The following VPS26A variants were observed in gnomAD, a reference collection of about 807,000 sequenced individuals.
The protein encoded by VPS26A is vacuolar protein sorting-associated protein 26A.
Under a neutral mutation model 42.4 loss-of-function variants are expected in VPS26A, and 22 were observed. The ratio of observed to expected loss-of-function variants is 0.52; its 90% CI spans 0.37 to 0.74. VPS26A has a LOEUF of 0.74. Among genes scored for constraint, VPS26A ranks in the 30% least tolerant of loss-of-function variants. The pLI is 0.00. For synonymous variants in VPS26A, 110 were observed against 123.5 expected (o/e 0.89, Z 0.73); for missense variants, 276 against 379.2 (o/e 0.73, Z 2.26).
intron 2 of VPS26A, among the ~76,000 whole-genome samples, chr10:69,138,090 A>T (rs549491048): frequency 6.6e-6 from 1 of 152,228 alleles, no homozygotes; most frequent in South Asian, 2.1e-4. Flanking sequence ...TATTCTGGAC[A>T]TTTCATATAA....
chr10:69,167,059 G>A (rs1439649687), intron 7 of VPS26A, among the ~76,000 whole-genome samples: 1 of 151,386 alleles, frequency 6.6e-6, no homozygotes, highest in East Asian at 1.9e-4. Context: ...CCTGGGAGGC[G>A]GAGGTTGCAG....
Position 69,124,215 on chromosome 10 carries a change from G to C in VPS26A, c.-63G>C. 1.6e-6 allele frequency: 2 copies of C among 1,272,976 alleles called. No individual in the cohort carries two copies. The highest frequency in any genetic ancestry group is 3.0e-5 in the East Asian group (1 of 33,130). The allele number at this position is 1,272,976 out of a possible 1,614,324, so 78.9% of individuals were successfully genotyped here. ...CGGAGCGCCGGAGCGGAGGGAGCCG[G>C]GGCTGGGAGTTCTCCTGAGGGAAGA... is the stretch of plus-strand genomic sequence containing the variant. On this transcript the variant is annotated 5_prime_UTR_variant, in exon 1 of 9. Coordinates refer to ENST00000263559, the MANE Select transcript of VPS26A (RefSeq NM_004896.5).
chr10:69,139,943 G>A (rs1841003101), intron 2 of VPS26A, among the ~76,000 whole-genome samples: 1 of 151,884 alleles, frequency 6.6e-6, no homozygotes, highest in Admixed American at 6.6e-5. Flanking sequence ...ATAAATTACA[G>A]TTTTGATCTA....
chr10:69,171,234 G>T lies in VPS26A; in HGVS notation c.949G>T (p.Glu317Ter). The change falls in exon 9 of 9, where the codon GAA becomes TAA. Residue 317 changes from glutamate to a stop codon, truncating the protein, a stop_gained. Transcript: ENST00000263559. LOFTEE classifies it high-confidence loss of function. The stretch of plus-strand genomic sequence containing the variant: ...CTTTCACCAGCGATTTGAATCTCCA[G>T]AATCACAGGCATCTGCCGAACAGCC... Reference protein sequence around the residue: ...TNFHQRFESPESQASAEQPEM With the variant: ...TNFHQRFESP 1 of 1,613,828 alleles carries T rather than the reference G, an allele frequency of 6.2e-7. No individual in the cohort carries two copies. Among genetic ancestry groups the T allele is most frequent in the Non-Finnish European group, 8.5e-7 (1 of 1,179,928 alleles).
chr10:69,148,002 G>A (rs760275418), intron 2 of VPS26A, among the ~76,000 whole-genome samples: 9 of 152,122 alleles, frequency 5.9e-5, no homozygotes, highest in Non-Finnish European at 7.3e-5. Context: ...ATGAGCCACC[G>A]TGCCCAGCCC....
rs753678912 is a variant in VPS26A, at chr10:69,124,228, T to C, written c.-50T>C. On this transcript the variant is annotated 5_prime_UTR_variant, in exon 1 of 9. Coordinates refer to ENST00000263559, the MANE Select transcript of VPS26A (RefSeq NM_004896.5). ...CGGAGGGAGCCGGGGCTGGGAGTTC[T>C]CCTGAGGGAAGAGGAGTGGAGTAGG... The C allele has an allele frequency of 7.8e-7, 1 of 1,279,846 alleles. No homozygotes were observed. Among genetic ancestry groups the C allele is most frequent in the Non-Finnish European group, 9.9e-7 (1 of 1,007,872 alleles). 79.3% of individuals were successfully genotyped at this position (1,279,846 alleles called of 1,614,324 possible).
chr10:69,153,006 G>T (rs370739888), intron 2 of VPS26A, among the ~76,000 whole-genome samples: 2 of 147,196 alleles, frequency 1.4e-5, no homozygotes, highest in African/African-American at 5.0e-5. Context: ...ATGCTTTTTT[G>T]TATGAAAAAG....
At chr10:69,167,957 A>G (rs933352806) in intron 7 of VPS26A, among the ~76,000 whole-genome samples, 1 of 152,208 alleles carries the variant, frequency 6.6e-6, no homozygotes, top group Non-Finnish European at 1.5e-5. Flanking sequence ...AAAACAACTT[A>G]TAGAGCACTT....
At chr10:69,142,468 A>T (rs557063292) in intron 2 of VPS26A, among the ~76,000 whole-genome samples, 1 of 152,182 alleles carries the variant, frequency 6.6e-6, no homozygotes, top group East Asian at 1.9e-4. Flanking sequence ...TGCTGGGATT[A>T]TAGGCATGAG....
chr10:69,164,551 C>T (rs1226956947), intron 6 of VPS26A, among the ~76,000 whole-genome samples: 1 of 152,020 alleles, frequency 6.6e-6, no homozygotes, highest in Non-Finnish European at 1.5e-5. Context: ...GCAAAAATTT[C>T]CCTCGTTTGT....
rs1286524259 is a variant in VPS26A at position 69,168,602 on chromosome 10, G to A, written c.841G>A (p.Glu281Lys). Residue 281 changes from glutamate (E) to lysine (K), a missense_variant, in exon 8 of 9, where the codon GAG (glutamate) becomes AAG (lysine). Transcript: ENST00000263559. The part of the protein sequence containing the change: ...RYFLNLVLVD[E>K]EDRRYFKQQE... The stretch of plus-strand genomic sequence containing the variant: ...CTTTTTGAATTTAGTGCTTGTTGAT[G>A]AGGAAGACCGGAGGTACTTCAAACA... 6.2e-7 allele frequency: 1 copy of A among 1,614,112 alleles called. No homozygotes were observed. Among genetic ancestry groups the A allele is most frequent in the South Asian group, 1.1e-5 (1 of 91,072 alleles).
chr10:69,160,229 G>A (rs1310274732), intron 5 of VPS26A, among the ~76,000 whole-genome samples: 2 of 151,562 alleles, frequency 1.3e-5, no homozygotes, highest in African/African-American at 4.9e-5. Context: ...GCGTGATCTC[G>A]GCTCACTGCA....
rs1292549594 is a variant in VPS26A at position 69,171,449 on chromosome 10, G to A, written c.*180G>A. ...ATGATATAATGAAATGTTCGTTCAT[G>A]TATATACATTTTTAAAAGTGCTTTC... On this transcript the variant is annotated 3_prime_UTR_variant, in exon 9 of 9. Coordinates refer to ENST00000263559, the MANE Select transcript of VPS26A (RefSeq NM_004896.5). The A allele has an allele frequency of 6.4e-6, 3 of 468,180 alleles. No homozygotes were observed. The highest frequency in any genetic ancestry group is 2.1e-5 in the African/African-American group (1 of 48,274). The allele number at this position is 468,180 out of a possible 1,614,324, so 29.0% of individuals were successfully genotyped here.
chr10:69,154,109 A>C (rs1841378212), intron 2 of VPS26A, among the ~76,000 whole-genome samples: 2 of 152,226 alleles, frequency 1.3e-5, no homozygotes, highest in Non-Finnish European at 2.9e-5. Context: ...AAGCAATGTG[A>C]AGTTGTATCC....
rs1841661888 is a variant in VPS26A at position 69,165,294 on chromosome 10, C to T, written c.659-748C>T. 2.0e-5 allele frequency among the ~76,000 whole-genome samples: 3 copies of T among 151,992 alleles called. No individual in the cohort carries two copies. The South Asian group carries it at 6.2e-4, about 32-fold the overall frequency. On this transcript the variant is annotated intron_variant, in intron 6 of 8. Coordinates refer to ENST00000263559, the MANE Select transcript of VPS26A (RefSeq NM_004896.5). ...TTTATAAGAATTTATAGTCAGTATT[C>T]ATAATTTAAAACATCTGTGATTTCT...
chr10:69,146,391 T>G (rs909335729), intron 2 of VPS26A, among the ~76,000 whole-genome samples: 2 of 152,236 alleles, frequency 1.3e-5, no homozygotes, highest in Non-Finnish European at 2.9e-5. Context: ...GGTCAACACT[T>G]AATTCTTTTT....
At chr10:69,161,173 C>T (rs572914002) in intron 5 of VPS26A, among the ~76,000 whole-genome samples, 1 of 152,148 alleles carries the variant, frequency 6.6e-6, no homozygotes, top group Non-Finnish European at 1.5e-5. Context: ...TATCATCTCA[C>T]CTCAGCCTCC....
At chr10:69,169,253 A>G (rs1467164572) in intron 8 of VPS26A, among the ~76,000 whole-genome samples, 3 of 151,152 alleles carry the variant, frequency 2.0e-5, no homozygotes, top group Non-Finnish European at 4.4e-5. Context: ...CATTATTATT[A>G]TTATTATTAT....
chr10:69,170,421 T>C (rs1369180602), intron 8 of VPS26A: 2 of 145,746 alleles, frequency 1.4e-5, no homozygotes, highest in East Asian at 1.9e-4. Flanking sequence ...AATTCTGATA[T>C]GTTGGGGAAA....
Sources: allele counts gnomAD v4.1 joint callset (sites outside exome capture counted in the v4.1 genomes callset), GRCh38; gene constraint gnomAD v4.1.1; transcripts MANE v1.5; gene names NCBI Gene and HGNC (gene_info 2026-07-23, HGNC 2026-07-21).